ISL2: variants seen among roughly 807,000 people sequenced by gnomAD.
ISL2 encodes ISL LIM homeobox 2.
In ISL2, 17 loss-of-function variants were observed where a neutral mutation model predicts 34.6. The ratio of observed to expected loss-of-function variants is 0.49; its 90% CI spans 0.34 to 0.74. ISL2 has a LOEUF of 0.74. Among genes scored for constraint, ISL2 ranks in the 30% least tolerant of loss-of-function variants. The probability of loss-of-function intolerance (pLI) is 0.01; values close to 1 mark genes in which losing one functional copy is unlikely to be tolerated. For missense variants in ISL2, 469 were observed against 515.2 expected (o/e 0.91, Z 0.87); for synonymous variants, 232 against 225.5 (o/e 1.03, Z -0.26).
At chr15:76,340,841 CGG>C (rs2040187971) in intron 4 of ISL2, among the ~76,000 whole-genome samples, 2 of 152,260 alleles carry the variant, frequency 1.3e-5, no homozygotes, top group Admixed American at 6.5e-5. Context: ...GCCCGCCAGT[CGG>C]GCTGGTGGGT....
At chr15:76,339,192 T>C in intron 3 of ISL2, 1 of 985,378 alleles carries the variant, frequency 1.0e-6, no homozygotes, top group Non-Finnish European at 1.2e-6. Context: ...GGCAAGGCAG[T>C]TTCCCCCAGG....
chr15:76,338,894 G>A (rs992548362), intron 3 of ISL2: 2 of 985,282 alleles, frequency 2.0e-6, no homozygotes, highest in Non-Finnish European at 2.4e-6. Context: ...AGAGGGTAAG[G>A]TTTGCCCAGG....
At position 76,336,968 on chromosome 15, in the gene ISL2, T is replaced by G. The variant is rs764751983; in HGVS notation, c.58+27T>G. 2.5e-6 allele frequency: 4 copies of G among 1,590,906 alleles called. No individual in the cohort carries two copies. The African/African-American group carries it at 5.4e-5, about 21-fold the overall frequency. On this transcript the variant is annotated intron_variant, in intron 1 of 5. Coordinates refer to ENST00000290759, the MANE Select transcript of ISL2 (RefSeq NM_145805.3). The stretch of plus-strand genomic sequence containing the variant: ...TAAGTATTTCTGTGTGTGTGTGGGG[T>G]GGGGTGTGTGTGTATGCTTAATATG...
chr15:76,340,586 G>C (rs752467796), intron 4 of ISL2, 27 bp downstream of exon 4: 6 of 1,587,512 alleles, frequency 3.8e-6, no homozygotes, highest in South Asian at 3.4e-5. Context: ...CCGGAGGCTC[G>C]AGTCGGGTGG....
Position 76,336,799 on chromosome 15 carries a change from T to G in ISL2, c.-85T>G. On this transcript the variant is annotated 5_prime_UTR_variant, in exon 1 of 6. Transcript: ENST00000290759. ...CTTCAACTCCGCGGGGCAGTAGGAGTTAGTTAGCAAAGAGCCGAGGCCGGG... is the reference window on the plus strand; with the variant it reads ...CTTCAACTCCGCGGGGCAGTAGGAGGTAGTTAGCAAAGAGCCGAGGCCGGG... The G allele has an allele frequency of 8.5e-7, 1 of 1,176,292 alleles. No homozygotes were observed. The highest frequency in any genetic ancestry group is 1.3e-6 in the Non-Finnish European group (1 of 783,372). The allele number at this position is 1,176,292 out of a possible 1,614,324, so 72.9% of individuals were successfully genotyped here.
chr15:76,340,285 C>T lies in ISL2; in HGVS notation c.521C>T (p.Ser174Leu), dbSNP rs371415237. 1.9e-6 allele frequency: 3 copies of T among 1,602,526 alleles called. No homozygotes were observed. Among genetic ancestry groups the T allele is most frequent in the African/African-American group, 1.3e-5 (1 of 74,730 alleles). ...CACCCTGTCCTGGCAGACGCTGGGT[C>T]GGGCCGGCAGCCCGCGTTGCGCCCG... Reference protein sequence around the residue: ...ARGLHLPDAGSGRQPALRPHV... With the variant: ...ARGLHLPDAGLGRQPALRPHV... Residue 174 changes from serine (S) to leucine (L), a missense_variant, in exon 4 of 6, where the codon TCG becomes TTG. Physicochemically the swap from Ser to Leu is moderately radical, Grantham distance 145 (BLOSUM62 -2). Coordinates refer to ENST00000290759, the MANE Select transcript of ISL2 (RefSeq NM_145805.3).
rs748397463 is a variant in ISL2 at position 76,340,328 on chromosome 15, G to A, written c.564G>A (p.Thr188=). ...PALRPHVHKQ[T]EKTTRVRTVL... is the part of the protein sequence containing the mutation. The stretch of plus-strand genomic sequence containing the variant: ...TGCGCCCGCACGTGCACAAGCAGAC[G>A]GAGAAGACGACCCGCGTGCGGACTG... The change falls in exon 4 of 6, where the codon ACG becomes ACA. Residue 188 remains threonine, a synonymous_variant. Transcript: ENST00000290759. 4.3e-6 allele frequency: 7 copies of A among 1,611,762 alleles called. No homozygotes were observed. The highest frequency in any genetic ancestry group is 1.1e-5 in the South Asian group (1 of 91,022).
chr15:76,338,907 T>C (rs1024636878), intron 3 of ISL2: 1 of 985,282 alleles, frequency 1.0e-6, no homozygotes, highest in African/African-American at 1.7e-5. Context: ...TGCCCAGGGG[T>C]ATGTGTGTAA....
At chr15:76,340,710 C>G in intron 4 of ISL2, 151 bp downstream of exon 4, 1 of 718,428 alleles carries the variant, frequency 1.4e-6, no homozygotes, top group Non-Finnish European at 2.3e-6. Flanking sequence ...AGCAAGGCTT[C>G]CCTTGGATTT....
chr15:76,339,405 C>G (rs146734580), intron 3 of ISL2: 1 of 985,306 alleles, frequency 1.0e-6, no homozygotes, highest in Non-Finnish European at 1.2e-6. Flanking sequence ...CAGTACAGAT[C>G]CACGGTATAT....
rs1291910193 is a variant in ISL2 at position 76,338,555 on chromosome 15, T to C, written c.511+41T>C. 2.3e-6 allele frequency: 3 copies of C among 1,284,268 alleles called. No homozygotes were observed. The East Asian group carries it at 9.3e-5, about 40-fold the overall frequency. The allele number at this position is 1,284,268 out of a possible 1,614,324, so 79.6% of individuals were successfully genotyped here. On this transcript the variant is annotated intron_variant, in intron 3 of 5. Coordinates refer to ENST00000290759, the MANE Select transcript of ISL2 (RefSeq NM_145805.3). ...CCTGTGCCGGGGTGAGCGGGGTGTATGTGCGTGCGTGTGTGTAGGGGTACG... is the reference window on the plus strand; with the variant it reads ...CCTGTGCCGGGGTGAGCGGGGTGTACGTGCGTGCGTGTGTGTAGGGGTACG...
At chr15:76,340,239 C>G (rs1404055923) in intron 3 of ISL2, 37 bp from the exon 4 acceptor site, 1 of 1,501,538 alleles carries the variant, frequency 6.7e-7, no homozygotes, top group Non-Finnish European at 8.8e-7. Flanking sequence ...TGGGTGGCGG[C>G]CCCTCGCTAA....
chr15:76,339,390 T>C, intron 3 of ISL2: 1 of 985,348 alleles, frequency 1.0e-6, no homozygotes, highest in African/African-American at 1.7e-5. Context: ...TAAACCGAAA[T>C]GGTGCAGTAC....
chr15:76,340,037 T>A, intron 3 of ISL2: 1 of 1,308,688 alleles, frequency 7.6e-7, no homozygotes. Flanking sequence ...GCGCCCTGCT[T>A]GAGCTCGGGA....
In ISL2 at chr15:76,341,306, G is replaced by GGCCCT; in HGVS notation, c.963+11_963+15dup. 6.3e-7 allele frequency: 1 copy of GGCCCT among 1,586,320 alleles called. No homozygotes were observed. The highest frequency in any genetic ancestry group is 8.6e-7 in the Non-Finnish European group (1 of 1,164,566). On this transcript the variant is annotated splice_donor_region_variant and intron_variant, in intron 5 of 5. Transcript: ENST00000290759. ...CAACCCGCCTTCCAACAGCTGGTGA[G>GGCCCT]GCCCTGCCCTACCCGCCCCGACCTC...
At position 76,341,266 on chromosome 15, in the gene ISL2, C is replaced by A; in HGVS notation, c.928C>A (p.Gln310Lys). The stretch of plus-strand genomic sequence containing the variant: ...GAAGGCGCTCAGCGAGTTTGCCCTC[C>A]AGAGCGACCTGGACCAACCCGCCTT... ...PWKALSEFAL[Q>K]SDLDQPAFQQ... The change falls in exon 5 of 6, where the codon CAG becomes AAG. Residue 310 changes from glutamine (Q) to lysine (K), a missense_variant. By Grantham distance (53) the Gln-to-Lys change is moderately conservative. Around this residue, in one of 3 missense-constraint regions of ISL2, gnomAD observed 169 missense variants for 154.2 expected, o/e 1.10. Transcript: ENST00000290759. 1 of 1,609,030 alleles carries A rather than the reference C, an allele frequency of 6.2e-7. No homozygotes were observed. The highest frequency in any genetic ancestry group is 1.1e-5 in the South Asian group (1 of 90,128).
chr15:76,338,157 C>T, intron 2 of ISL2, 95 bp from the exon 3 acceptor site: 1 of 1,452,716 alleles, frequency 6.9e-7, no homozygotes, highest in Non-Finnish European at 9.1e-7. Flanking sequence ...CTGGTGGCCA[C>T]AAAGTGTCCT....
At chr15:76,338,076 C>T (rs1209536865) in intron 2 of ISL2, 109 bp downstream of exon 2, 21 of 1,311,996 alleles carry the variant, frequency 1.6e-5, no homozygotes, top group Non-Finnish European at 2.1e-5. Flanking sequence ...AGAAGGCCAT[C>T]CGCATCCCGC....
At position 76,342,392 on chromosome 15, in the gene ISL2, C is replaced by T. The variant is rs1224216577; in HGVS notation, c.*557C>T. On this transcript the variant is annotated 3_prime_UTR_variant, in exon 6 of 6. Transcript: ENST00000290759. ...TGTGAGCCTTTGCCGAACAAACAAA[C>T]GTAAGTTATTGTTATTTATTGTGAG... The T allele has an allele frequency of 3.9e-5, 6 of 152,480 alleles. No homozygotes were observed. The highest frequency in any genetic ancestry group is 1.9e-4 in the East Asian group (1 of 5,206). 9.4% of individuals were successfully genotyped at this position (152,480 alleles called of 1,614,324 possible).
Sources: allele counts gnomAD v4.1 joint callset (sites outside exome capture counted in the v4.1 genomes callset), GRCh38; gene constraint gnomAD v4.1.1; regional missense constraint gnomAD v4.1.1; transcripts MANE v1.5; gene names NCBI Gene and HGNC (gene_info 2026-07-23, HGNC 2026-07-21).